The following RARB variants were observed in gnomAD, a reference collection of about 807,000 sequenced individuals.
The protein encoded by RARB is HBV-activated protein.
A neutral mutation model predicts 51.9 loss-of-function variants in RARB; 17 were observed. The observed-to-expected ratio is 0.33, with a 90% CI of 0.22 to 0.49. The LOEUF is 0.49. RARB is among the 20% of genes least tolerant of loss of function. The pLI is 0.99. For missense variants in RARB, 369 were observed against 550.8 expected (o/e 0.67, Z 3.30); for synonymous variants, 215 against 195.4 (o/e 1.10, Z -0.84).
At chr3:24,959,291 GGT>G (rs1696088061) in intron 2 of RARB, among the ~76,000 whole-genome samples, 1 of 152,168 alleles carries the variant, frequency 6.6e-6, no homozygotes, top group Admixed American at 6.5e-5. Flanking sequence ...TGAATTGAAG[GGT>G]GGTTACTGAG....
intron 5 of RARB, among the ~76,000 whole-genome samples, chr3:25,377,811 T>C (rs11918266): frequency 0.02 from 2,982 of 152,268 alleles, 89 homozygotes; most frequent in African/African-American, 0.064. Context: ...TTTGAGTCAC[T>C]TAACCCAACA....
At chr3:24,867,161 A>G (rs978434768) in intron 2 of RARB, among the ~76,000 whole-genome samples, 8 of 152,148 alleles carry the variant, frequency 5.3e-5, no homozygotes, top group Non-Finnish European at 7.3e-5. Flanking sequence ...TTATGTCTAC[A>G]CCTTAGCAGA....
chr3:24,905,356 T>C (rs1223057207), intron 2 of RARB, among the ~76,000 whole-genome samples: 1 of 152,186 alleles, frequency 6.6e-6, no homozygotes, highest in Non-Finnish European at 1.5e-5. Context: ...TAAGGCCAAA[T>C]GCACCTTTTC....
intron 5 of RARB, among the ~76,000 whole-genome samples, chr3:25,189,643 T>C (rs910753623): frequency 2.6e-5 from 4 of 152,076 alleles, no homozygotes; most frequent in African/African-American, 9.7e-5. Context: ...TCCCAGCACT[T>C]TGAGAAGCTG....
At chr3:24,857,717 C>T (rs1702660292) in intron 1 of RARB, among the ~76,000 whole-genome samples, 1 of 152,068 alleles carries the variant, frequency 6.6e-6, no homozygotes, top group Non-Finnish European at 1.5e-5. Flanking sequence ...GAGTTCAAGA[C>T]CAGGCTGGGG....
At position 24,945,287 on chromosome 3, in the gene RARB, T is replaced by C. The variant is rs543751913; in HGVS notation, c.-380+86535T>C. Among the ~76,000 whole-genome samples, 47 of 152,328 alleles carry C rather than the reference T, an allele frequency of 3.1e-4. 1 individual carries two copies. In the Middle Eastern group the frequency reaches 0.01, roughly 33 times the overall value. ...TTGGGAGAGAGCCATAATCTTTTTT[T>C]CTCTCCCTTTTAAAAGGATCTGTAC... On this transcript the variant is annotated intron_variant, in intron 2 of 11. Transcript: ENST00000383772.
At chr3:25,244,246 C>G (rs1702500644) in intron 5 of RARB, among the ~76,000 whole-genome samples, 1 of 149,578 alleles carries the variant, frequency 6.7e-6, no homozygotes, top group Non-Finnish European at 1.5e-5. Flanking sequence ...TTAATCTTTC[C>G]AATAAACCAG....
chr3:25,588,437 A>G (rs1701487715), intron 5 of RARB, among the ~76,000 whole-genome samples: 1 of 152,224 alleles, frequency 6.6e-6, no homozygotes, highest in Non-Finnish European at 1.5e-5. Flanking sequence ...GCACAGATAC[A>G]TGGTTAGGGA....
Position 24,867,348 on chromosome 3 carries a change from A to G in RARB, c.-380+8596A>G, listed in dbSNP as rs985736461. 5.9e-5 allele frequency among the ~76,000 whole-genome samples: 9 copies of G among 152,128 alleles called. No individual in the cohort carries two copies. In the South Asian group the frequency reaches 8.3e-4, roughly 14 times the overall value. Reference sequence around the variant, plus strand: ...GGGCAGTTTGAAGGCTAAATGCAAGATGGGAGTTGGTTAAATGAGATCTTT... The same window carrying G: ...GGGCAGTTTGAAGGCTAAATGCAAGGTGGGAGTTGGTTAAATGAGATCTTT... On this transcript the variant is annotated intron_variant, in intron 2 of 11. Coordinates refer to the RARB transcript ENST00000383772.
In RARB at chr3:25,231,097, C is replaced by A. The variant is rs532280542; in HGVS notation, c.178+56522C>A. The stretch of plus-strand genomic sequence containing the variant: ...TTGGCTTGGAGCTCCTGAGGATAAT[C>A]CCTCCTTAAACAAGCAAATACTTCT... On this transcript the variant is annotated intron_variant, in intron 5 of 11. Transcript: ENST00000383772. 1.1e-3 allele frequency among the ~76,000 whole-genome samples: 173 copies of A among 152,110 alleles called. 1 individual carries two copies. Among genetic ancestry groups the A allele is most frequent in the African/African-American group, 3.8e-3 (156 of 41,500 alleles).
chr3:24,891,386 T>C (rs1703375395), intron 2 of RARB, among the ~76,000 whole-genome samples: 1 of 152,130 alleles, frequency 6.6e-6, no homozygotes, highest in African/African-American at 2.4e-5. Context: ...TTACTTGGCT[T>C]CCTTGTGCTT....
intron 1 of RARB, among the ~76,000 whole-genome samples, chr3:24,830,749 G>T (rs1229767569): frequency 1.3e-5 from 2 of 152,038 alleles, no homozygotes; most frequent in Non-Finnish European, 2.9e-5. Flanking sequence ...ACTGAGAGAA[G>T]AGGAAAGAGG....
exon 5 of RARB, chr3:25,174,564 C>A: frequency 2.2e-6 from 3 of 1,352,100 alleles, no homozygotes; most frequent in Non-Finnish European, 2.9e-6. Flanking sequence ...TGCAGCACCC[C>A]GTCGCCGGCA....
At chr3:25,246,038 A>G (rs1035277931) in intron 5 of RARB, among the ~76,000 whole-genome samples, 1 of 151,164 alleles carries the variant, frequency 6.6e-6, no homozygotes, top group Non-Finnish European at 1.5e-5. Flanking sequence ...TTTTTCTCTA[A>G]TCTTGTCTTC....
intron 1 of RARB, among the ~76,000 whole-genome samples, chr3:25,438,444 T>G (rs1356402730): frequency 1.3e-5 from 2 of 152,210 alleles, no homozygotes; most frequent in Admixed American, 6.5e-5. Context: ...TGAAAATGAT[T>G]AAATTAAAGA....
chr3:25,317,097 A>G (rs1704448025), intron 5 of RARB, among the ~76,000 whole-genome samples: 3 of 152,142 alleles, frequency 2.0e-5, no homozygotes, highest in Admixed American at 6.5e-5. Flanking sequence ...AAAAGAATAC[A>G]ACATTTTTGC....
At chr3:25,145,512 AAAG>A (rs771116057) in intron 4 of RARB, among the ~76,000 whole-genome samples, 14 of 152,182 alleles carry the variant, frequency 9.2e-5, no homozygotes, top group Non-Finnish European at 1.8e-4. Context: ...AAAAAAAGAA[AAAG>A]AAATTGTACA....
chr3:24,968,970 G>A (rs943809915), intron 2 of RARB, among the ~76,000 whole-genome samples: 1 of 151,800 alleles, frequency 6.6e-6, no homozygotes, highest in Non-Finnish European at 1.5e-5. Context: ...GTAATTTTAG[G>A]TACATTTGGT....
At chr3:25,581,331 G>A (rs1186400273) in intron 5 of RARB, among the ~76,000 whole-genome samples, 1 of 152,142 alleles carries the variant, frequency 6.6e-6, no homozygotes, top group African/African-American at 2.4e-5. Flanking sequence ...TGCATCCCTG[G>A]AGGCCAGTCC....
Sources: allele counts gnomAD v4.1 joint callset (sites outside exome capture counted in the v4.1 genomes callset), GRCh38; gene constraint gnomAD v4.1.1; transcripts MANE v1.5; gene names NCBI Gene and HGNC (gene_info 2026-07-23, HGNC 2026-07-21).